Variants in IGF1R observed in about 807,000 individuals in gnomAD.
IGF1R encodes insulin like growth factor 1 receptor.
In IGF1R, 44 loss-of-function variants were observed where a neutral mutation model predicts 144.6. That is an observed-to-expected ratio of 0.30 (90% CI 0.24 to 0.39). IGF1R has a LOEUF of 0.39. IGF1R is among the 10% of genes least tolerant of loss of function. IGF1R has a pLI of 1.00. For missense variants in IGF1R, 1,355 were observed against 1,833.7 expected, an observed-to-expected ratio of 0.74 and a Z score of 4.77; for synonymous variants, 795 against 722.8, an observed-to-expected ratio of 1.10 and a Z score of -1.60.
intron 2 of IGF1R, among the ~76,000 whole-genome samples, chr15:98,756,778 G>T (rs372414158): frequency 2.0e-5 from 3 of 152,058 alleles, no homozygotes; most frequent in African/African-American, 7.2e-5. Flanking sequence ...CTTTTGTTAC[G>T]TATTTTTGGT....
chr15:98,691,258 C>G (rs2053468118), intron 1 of IGF1R, among the ~76,000 whole-genome samples: 1 of 152,136 alleles, frequency 6.6e-6, no homozygotes, highest in African/African-American at 2.4e-5. Flanking sequence ...TGGTCTGTGA[C>G]AGGGTCTCAG....
intron 2 of IGF1R, among the ~76,000 whole-genome samples, chr15:98,785,686 G>A (rs1387559890): frequency 1.3e-5 from 2 of 152,146 alleles, no homozygotes; most frequent in East Asian, 1.9e-4. Context: ...TGTTGGTAAA[G>A]CAGTCTAGCC....
chr15:98,685,103 T>G (rs1423942326), intron 1 of IGF1R, among the ~76,000 whole-genome samples: 1 of 151,936 alleles, frequency 6.6e-6, no homozygotes, highest in Non-Finnish European at 1.5e-5. Context: ...CCATCACGCC[T>G]GGCTAATTTT....
intron 2 of IGF1R, among the ~76,000 whole-genome samples, chr15:98,771,749 T>G (rs77598920): frequency 7.1e-6 from 1 of 141,152 alleles, no homozygotes; most frequent in Admixed American, 7.1e-5. Flanking sequence ...AGGGAAAAAA[T>G]TTAAGGTTAC....
At chr15:98,787,719 T>C (rs1257504865) in intron 2 of IGF1R, among the ~76,000 whole-genome samples, 1 of 152,208 alleles carries the variant, frequency 6.6e-6, no homozygotes, top group Non-Finnish European at 1.5e-5. Context: ...GGAAGTACTT[T>C]GCAGAAACTT....
chr15:98,953,341 A>T (rs370991277), intron 20 of IGF1R, among the ~76,000 whole-genome samples: 1 of 152,160 alleles, frequency 6.6e-6, no homozygotes, highest in East Asian at 1.9e-4. Context: ...CTCAGTGTGA[A>T]TTAACTTAGC....
chr15:98,845,521 T>A (rs1432002396), intron 2 of IGF1R, among the ~76,000 whole-genome samples: 2 of 113,864 alleles, frequency 1.8e-5, no homozygotes, highest in African/African-American at 6.6e-5. Flanking sequence ...TCCTCCTTCC[T>A]CCTCCCCCTC....
intron 2 of IGF1R, among the ~76,000 whole-genome samples, chr15:98,786,089 T>C (rs911681248): frequency 1.3e-5 from 2 of 152,220 alleles, no homozygotes; most frequent in Non-Finnish European, 2.9e-5. Context: ...CGTGCACTCC[T>C]AGGCTTCAGC....
At chr15:98,889,192 G>C (rs1276013613) in intron 2 of IGF1R, among the ~76,000 whole-genome samples, 1 of 152,230 alleles carries the variant, frequency 6.6e-6, no homozygotes, top group African/African-American at 2.4e-5. Flanking sequence ...AAGGCAACCT[G>C]TTGTTTCTGT....
chr15:98,819,650 C>T (rs1032775448), intron 2 of IGF1R, among the ~76,000 whole-genome samples: 13 of 152,106 alleles, frequency 8.5e-5, no homozygotes, highest in African/African-American at 1.2e-4. Flanking sequence ...CTAGGACAAA[C>T]GCCAATAAGC....
Position 98,928,371 on chromosome 15 carries a change from C to T in IGF1R, c.2783-1187C>T, listed in dbSNP as rs2015807456. ...GGCATGTCCCCCCAATTCTCCAAGA[C>T]ATGACAGTGCCTTCTCTTACTGCCA... On this transcript the variant is annotated intron_variant, in intron 13 of 20. Coordinates refer to ENST00000650285, the MANE Select transcript of IGF1R (RefSeq NM_000875.5). Among the ~76,000 whole-genome samples, 3 of 152,226 alleles carry T rather than the reference C, an allele frequency of 2.0e-5. No homozygotes were observed. The South Asian group carries it at 6.2e-4, about 31-fold the overall frequency.
chr15:98,756,670 C>T (rs1048936873), intron 2 of IGF1R, among the ~76,000 whole-genome samples: 1 of 151,752 alleles, frequency 6.6e-6, no homozygotes, highest in Non-Finnish European at 1.5e-5. Flanking sequence ...TCACTTTTTC[C>T]ATTCCTTTAA....
chr15:98,904,461 C>T (rs1359640674), intron 5 of IGF1R, among the ~76,000 whole-genome samples: 1 of 152,174 alleles, frequency 6.6e-6, no homozygotes, highest in African/African-American at 2.4e-5. Flanking sequence ...GTGCCTGGTT[C>T]CACCTAGATA....
At chr15:98,879,202 G>A (rs987356040) in intron 2 of IGF1R, among the ~76,000 whole-genome samples, 1 of 152,100 alleles carries the variant, frequency 6.6e-6, no homozygotes, top group Non-Finnish European at 1.5e-5. Context: ...TGTATAAGTA[G>A]GCTTTGAATA....
intron 1 of IGF1R, among the ~76,000 whole-genome samples, chr15:98,705,658 G>A (rs759061973): frequency 6.6e-6 from 1 of 152,080 alleles, no homozygotes; most frequent in Non-Finnish European, 1.5e-5. Flanking sequence ...TCTTCTCTTC[G>A]CTATCTCTGC....
At chr15:98,661,971 T>C (rs1235411515) in intron 1 of IGF1R, among the ~76,000 whole-genome samples, 1 of 142,336 alleles carries the variant, frequency 7.0e-6, no homozygotes, top group Non-Finnish European at 1.5e-5. Context: ...TTTTTTTTTT[T>C]TTTTTTTTTT....
intron 2 of IGF1R, among the ~76,000 whole-genome samples, chr15:98,759,510 A>T: frequency 6.6e-6 from 1 of 152,228 alleles, no homozygotes; most frequent in East Asian, 1.9e-4. Context: ...GGTCTGTTTG[A>T]TGAACACATG....
Position 98,957,911 on chromosome 15 carries a change from C to CA in IGF1R, c.*476dup, listed in dbSNP as rs1567224486. The CA allele has an allele frequency of 8.3e-6, 2 of 239,658 alleles. No individual in the cohort carries two copies. The highest frequency in any genetic ancestry group is 1.2e-3 in the Middle Eastern group (1 of 832). The allele number at this position is 239,658 out of a possible 1,614,324, so 14.8% of individuals were successfully genotyped here. On this transcript the variant is annotated 3_prime_UTR_variant, in exon 21 of 21. Transcript: ENST00000650285. Reference sequence around the variant, plus strand: ...ACCCGCCTGACACCGTGGGTCATTACAAAAAAACACGTGGAGATGGAAATT... The same window carrying CA: ...ACCCGCCTGACACCGTGGGTCATTACAAAAAAAACACGTGGAGATGGAAATT...
At chr15:98,712,562 C>T (rs2054017392) in intron 2 of IGF1R, among the ~76,000 whole-genome samples, 1 of 151,620 alleles carries the variant, frequency 6.6e-6, no homozygotes, top group African/African-American at 2.4e-5. Context: ...CTCTCTCCTG[C>T]TATTGTGTCC....
Sources: gnomAD v4.1 joint callset for allele counts (sites outside exome capture counted in the v4.1 genomes callset) on GRCh38, gnomAD v4.1.1 for gene constraint, MANE v1.5 for transcripts, NCBI Gene and HGNC (gene_info 2026-07-23, HGNC 2026-07-21) for gene names.